SMCHD1: variants seen among roughly 807,000 people sequenced by gnomAD.
The protein encoded by SMCHD1 is structural maintenance of chromosomes flexible hinge domain-containing protein 1.
In SMCHD1, 78 loss-of-function variants were observed where a neutral mutation model predicts 254.7. That is an observed-to-expected ratio of 0.31 (90% CI 0.26 to 0.37). The LOEUF is 0.37. Ranked by LOEUF, SMCHD1 falls within the 10% of genes least tolerant of loss-of-function variation. The probability of loss-of-function intolerance (pLI) is 1.00; values close to 1 mark genes in which losing one functional copy is unlikely to be tolerated. For synonymous variants in SMCHD1, 766 were observed against 794.9 expected (o/e 0.96, Z 0.61); for missense variants, 1,840 against 2,408.1 (o/e 0.76, Z 4.94).
chr18:2,776,134 T>C (rs1255765516), intron 42 of SMCHD1, among the ~76,000 whole-genome samples: 1 of 152,250 alleles, frequency 6.6e-6, no homozygotes, highest in African/African-American at 2.4e-5. Context: ...TATTTGTATA[T>C]GTAATGTATA....
At chr18:2,716,230 G>A (rs2074796805) in intron 17 of SMCHD1, among the ~76,000 whole-genome samples, 1 of 152,186 alleles carries the variant, frequency 6.6e-6, no homozygotes, top group Admixed American at 6.5e-5. Context: ...TGTATCAGGC[G>A]GGTGAGCAGT....
chr18:2,731,693 G>A (rs1433502196), intron 24 of SMCHD1, among the ~76,000 whole-genome samples: 1 of 152,052 alleles, frequency 6.6e-6, no homozygotes, highest in African/African-American at 2.4e-5. Context: ...TCACAAGATG[G>A]CAATACTTTT....
chr18:2,663,342 G>C (rs117126246), intron 1 of SMCHD1, among the ~76,000 whole-genome samples: 2,720 of 151,974 alleles, frequency 0.018, 41 homozygotes, highest in Middle Eastern at 0.099. Context: ...GAACTCCTGA[G>C]TTCAAGCAAT....
chr18:2,777,707 C>T (rs2143782914), intron 42 of SMCHD1, 99 bp from the exon 43 acceptor site: 2 of 608,940 alleles, frequency 3.3e-6, no homozygotes, highest in East Asian at 5.8e-5. Flanking sequence ...ATTGTATGAT[C>T]AAAATGATGT....
chr18:2,760,565 G>A, intron 34 of SMCHD1, 87 bp from the exon 35 acceptor site: 1 of 755,376 alleles, frequency 1.3e-6, no homozygotes, highest in East Asian at 2.6e-5. Flanking sequence ...ATTTATTTTT[G>A]TGGAAAGAAC....
chr18:2,798,467 T>G (rs1033188124), intron 47 of SMCHD1, among the ~76,000 whole-genome samples: 5 of 152,246 alleles, frequency 3.3e-5, no homozygotes, highest in African/African-American at 1.2e-4. Context: ...TGGTCATCAT[T>G]GCTGGTTGGT....
chr18:2,729,439 A>G, intron 24 of SMCHD1, 30 bp downstream of exon 24: 4 of 1,448,144 alleles, frequency 2.8e-6, no homozygotes, highest in Non-Finnish European at 3.7e-6. Flanking sequence ...CATTGATATT[A>G]TATTGAGTCT....
chr18:2,663,720 A>ATTTTTTTT (rs1568074123), intron 1 of SMCHD1, among the ~76,000 whole-genome samples: 1 of 129,918 alleles, frequency 7.7e-6, no homozygotes, highest in Non-Finnish European at 1.5e-5. Flanking sequence ...CTATTCCAGG[A>ATTTTTTTT]ATTTTTTTTT....
At chr18:2,678,822 GTTTTT>G in intron 5 of SMCHD1, among the ~76,000 whole-genome samples, 1 of 144,720 alleles carries the variant, frequency 6.9e-6, no homozygotes, top group African/African-American at 2.6e-5. Flanking sequence ...TCCGTTTTTT[GTTTTT>G]TTTTTTTTTT....
intron 28 of SMCHD1, among the ~76,000 whole-genome samples, chr18:2,741,679 C>T (rs1469106807): frequency 6.6e-6 from 1 of 152,120 alleles, no homozygotes; most frequent in Non-Finnish European, 1.5e-5. Flanking sequence ...CTTCCATTTT[C>T]TAGCTTCACC....
At chr18:2,713,313 T>G (rs1211886527) in intron 17 of SMCHD1, among the ~76,000 whole-genome samples, 2 of 152,202 alleles carry the variant, frequency 1.3e-5, no homozygotes, top group African/African-American at 4.8e-5. Context: ...GCTTGGGTCT[T>G]TTTAGAGAAC....
intron 36 of SMCHD1, 89 bp from the exon 37 acceptor site, chr18:2,763,548 C>T (rs1598417999): frequency 9.6e-7 from 1 of 1,037,342 alleles, no homozygotes; most frequent in East Asian, 3.1e-5. Context: ...GTTGGGGGCT[C>T]TCTGTATTAT....
chr18:2,683,026 A>G (rs915775515), intron 5 of SMCHD1, among the ~76,000 whole-genome samples: 3 of 152,106 alleles, frequency 2.0e-5, no homozygotes, highest in African/African-American at 4.8e-5. Context: ...GGGATTTATG[A>G]TTTTGTGCAT....
At chr18:2,752,744 T>C in intron 34 of SMCHD1, 192 bp downstream of exon 34, 1 of 493,950 alleles carries the variant, frequency 2.0e-6, no homozygotes, top group South Asian at 2.4e-5. Context: ...GTTTTAAGCT[T>C]TGTAAATTGT....
Position 2,763,734 on chromosome 18 carries a change from T to C in SMCHD1, c.4664T>C (p.Ile1555Thr), listed in dbSNP as rs957850303. Residue 1555 changes from isoleucine (I) to threonine (T), a missense_variant, in exon 37 of 48, where the codon ATT becomes ACT. By Grantham distance (89) the Ile-to-Thr change is moderately conservative (BLOSUM62 -1). Transcript: ENST00000320876. ...NEEDTDTPLF[I>T]GKVRTLEFPF... ...GAAGATACTGATACCCCACTTTTTATTGGGAAAGTTAGAACACTTGAATTC... is the reference window on the plus strand; with the variant it reads ...GAAGATACTGATACCCCACTTTTTACTGGGAAAGTTAGAACACTTGAATTC... 5 of 1,610,736 alleles carry C rather than the reference T, an allele frequency of 3.1e-6. No individual in the cohort carries two copies. The highest frequency in any genetic ancestry group is 4.2e-6 in the Non-Finnish European group (5 of 1,178,440).
At position 2,670,158 on chromosome 18, in the gene SMCHD1, T is replaced by C. The variant is rs146745551; in HGVS notation, c.425-3123T>C. Among the ~76,000 whole-genome samples, 186 of 152,308 alleles carry C rather than the reference T, an allele frequency of 1.2e-3. No homozygotes were observed. The Middle Eastern group carries it at 0.02, about 17-fold the overall frequency. On this transcript the variant is annotated intron_variant, in intron 3 of 47. Transcript: ENST00000320876. ...TCACTAAGAGTAAACACCAAAGTCG[T>C]TACAGTTGCCTGCAGGGACTTACTA...
chr18:2,759,571 C>CTCTTTTTTTTT (rs1204847128), intron 34 of SMCHD1, among the ~76,000 whole-genome samples: 3 of 69,518 alleles, frequency 4.3e-5, no homozygotes, highest in East Asian at 5.8e-4. Flanking sequence ...TTAATTCTCT[C>CTCTTTTTTTTT]TTTTTTTTTT....
chr18:2,719,751 C>A (rs1300687562), intron 19 of SMCHD1, among the ~76,000 whole-genome samples: 1 of 151,252 alleles, frequency 6.6e-6, no homozygotes, highest in Non-Finnish European at 1.5e-5. Context: ...TCTCGGCTCA[C>A]TGCAACCTCT....
At chr18:2,785,070 A>G in intron 45 of SMCHD1, 3 of 288,376 alleles carry the variant, frequency 1.0e-5, no homozygotes, top group South Asian at 8.8e-5. Flanking sequence ...CTTATTAGAA[A>G]GTGTATGACA....
Sources: allele counts gnomAD v4.1 joint callset (sites outside exome capture counted in the v4.1 genomes callset), GRCh38; gene constraint gnomAD v4.1.1; transcripts MANE v1.5; gene names NCBI Gene and HGNC (gene_info 2026-07-23, HGNC 2026-07-21).